Variants in TRAPPC9 observed in about 807,000 individuals in gnomAD.
TRAPPC9 encodes IKK2 binding protein.
In TRAPPC9, 83 loss-of-function variants were observed where a neutral mutation model predicts 124.0. The ratio of observed to expected loss-of-function variants is 0.67; its 90% CI spans 0.56 to 0.80. TRAPPC9 has a LOEUF of 0.80. Among genes scored for constraint, TRAPPC9 ranks in the 30% least tolerant of loss-of-function variants. The pLI is 0.00. For missense variants in TRAPPC9, 1,302 were observed against 1,508.3 expected, an observed-to-expected ratio of 0.86 and a Z score of 2.27; for synonymous variants, 638 against 617.5, an observed-to-expected ratio of 1.03 and a Z score of -0.49.
chr8:139,964,649 AT>A, intron 19 of TRAPPC9, among the ~76,000 whole-genome samples: 1 of 152,306 alleles, frequency 6.6e-6, no homozygotes, highest in Admixed American at 6.5e-5. Context: ...CAGAAAAATC[AT>A]TACAAATATG....
intron 19 of TRAPPC9, among the ~76,000 whole-genome samples, chr8:139,936,270 A>T (rs1187122954): frequency 6.6e-6 from 1 of 152,260 alleles, no homozygotes; most frequent in Non-Finnish European, 1.5e-5. Context: ...GGAAAATCCC[A>T]AACACCTCCT....
chr8:140,012,554 A>G (rs1043612448), intron 18 of TRAPPC9, among the ~76,000 whole-genome samples: 1 of 152,222 alleles, frequency 6.6e-6, no homozygotes, highest in Admixed American at 6.5e-5. Context: ...AGATTCTGTA[A>G]CTTGCCCAAC....
At chr8:140,360,222 A>C (rs369623206) in intron 8 of TRAPPC9, 29 bp from the exon 9 acceptor site, 5 of 1,613,962 alleles carry the variant, frequency 3.1e-6, no homozygotes, top group South Asian at 1.1e-5. Flanking sequence ...AACATCACAA[A>C]AGTGCTTGGA....
intron 21 of TRAPPC9, among the ~76,000 whole-genome samples, chr8:139,868,469 C>T (rs769343277): frequency 3.3e-5 from 5 of 152,182 alleles, no homozygotes; most frequent in East Asian, 1.9e-4. Context: ...CTTAAAGGAG[C>T]GTGCTGCAGT....
chr8:139,932,905 TAAA>T (rs3060603), intron 19 of TRAPPC9: 144 of 153,140 alleles, frequency 9.4e-4, no homozygotes, highest in Middle Eastern at 6.5e-3. Flanking sequence ...CATAAGCTGG[TAAA>T]AAAAAAAAAA....
At chr8:140,031,350 AAC>A (rs1840485313) in intron 17 of TRAPPC9, among the ~76,000 whole-genome samples, 1 of 152,202 alleles carries the variant, frequency 6.6e-6, no homozygotes, top group Non-Finnish European at 1.5e-5. Flanking sequence ...CTCTTATATG[AAC>A]AGTTATTCTT....
At chr8:140,016,935 C>T in intron 18 of TRAPPC9, among the ~76,000 whole-genome samples, 1 of 152,188 alleles carries the variant, frequency 6.6e-6, no homozygotes, top group Non-Finnish European at 1.5e-5. Flanking sequence ...CTGGCTGTTT[C>T]ACATTCTCCC....
intron 21 of TRAPPC9, among the ~76,000 whole-genome samples, chr8:139,846,396 G>C (rs1827087821): frequency 6.6e-6 from 1 of 152,234 alleles, no homozygotes. Flanking sequence ...CCCACGACCA[G>C]GCCCCACCAG....
intron 17 of TRAPPC9, among the ~76,000 whole-genome samples, chr8:140,158,178 C>T (rs1439780804): frequency 6.6e-6 from 1 of 152,064 alleles, no homozygotes. Context: ...AGTAACAGCC[C>T]CCCCTCAAAT....
intron 17 of TRAPPC9, among the ~76,000 whole-genome samples, chr8:140,068,171 T>G (rs1281995861): frequency 6.6e-6 from 1 of 152,150 alleles, no homozygotes; most frequent in Admixed American, 6.5e-5. Context: ...CCCAGTGCTA[T>G]GCGTGCCACC....
rs1234223891 is a variant in TRAPPC9 at position 140,397,709 on chromosome 8, T to C, written c.1045A>G (p.Ile349Val). The change falls in exon 7 of 23, where the codon ATC (isoleucine) becomes GTC (valine). Residue 349 changes from isoleucine (I) to valine (V), a missense_variant. By Grantham distance (29) the Ile-to-Val change is conservative. Coordinates refer to ENST00000438773, the MANE Select transcript of TRAPPC9 (RefSeq NM_001160372.4). ...ATTGCAAGGACACGTACAGCCTTGA[T>C]GCACGCTTCCAACTCAATCACTCCC... is the stretch of plus-strand genomic sequence containing the variant. ...NAGVIELEAC[I>V]KAVRVLAIQK... is the part of the protein sequence containing the mutation. 5 of 1,614,090 alleles carry C rather than the reference T, an allele frequency of 3.1e-6. No homozygotes were observed. The African/African-American group carries it at 4.0e-5, about 13-fold the overall frequency.
intron 19 of TRAPPC9, among the ~76,000 whole-genome samples, chr8:139,943,116 G>A (rs1432253381): frequency 1.3e-5 from 2 of 152,198 alleles, no homozygotes; most frequent in African/African-American, 2.4e-5. Context: ...ATCCAGACTG[G>A]AGTGCAGTGG....
intron 17 of TRAPPC9, among the ~76,000 whole-genome samples, chr8:140,108,512 G>A (rs557050134): frequency 2.6e-5 from 4 of 152,318 alleles, no homozygotes; most frequent in Non-Finnish European, 5.9e-5. Flanking sequence ...CAAAGCTCCC[G>A]CTCGCCCCCC....
At chr8:139,879,262 G>A (rs575739477) in intron 21 of TRAPPC9, among the ~76,000 whole-genome samples, 1 of 152,224 alleles carries the variant, frequency 6.6e-6, no homozygotes, top group Non-Finnish European at 1.5e-5. Flanking sequence ...CCCTGGCTGG[G>A]GGTGAGGAGT....
intron 17 of TRAPPC9, among the ~76,000 whole-genome samples, chr8:140,120,677 A>ACATCCATC (rs559075849): frequency 7.1e-6 from 1 of 140,746 alleles, no homozygotes; most frequent in African/African-American, 2.7e-5. Flanking sequence ...CATCCATCCA[A>ACATCCATC]CATCCATCCA....
intron 21 of TRAPPC9, among the ~76,000 whole-genome samples, chr8:139,830,387 A>C (rs1479368441): frequency 1.3e-5 from 2 of 152,212 alleles, no homozygotes; most frequent in Non-Finnish European, 2.9e-5. Context: ...ACACACATGC[A>C]TACACATGCA....
chr8:140,080,251 G>C (rs1284441675), intron 17 of TRAPPC9, among the ~76,000 whole-genome samples: 1 of 152,166 alleles, frequency 6.6e-6, no homozygotes, highest in Non-Finnish European at 1.5e-5. Flanking sequence ...TGGAAATTGA[G>C]AACCACATGA....
At chr8:139,873,368 A>G (rs943009965) in intron 21 of TRAPPC9, among the ~76,000 whole-genome samples, 2 of 152,176 alleles carry the variant, frequency 1.3e-5, no homozygotes, top group Non-Finnish European at 2.9e-5. Flanking sequence ...AACACTCACA[A>G]GTGCATCAGC....
chr8:140,041,605 C>G (rs151012838), intron 17 of TRAPPC9, among the ~76,000 whole-genome samples: 1 of 152,190 alleles, frequency 6.6e-6, no homozygotes, highest in African/African-American at 2.4e-5. Flanking sequence ...ATGGGGAGAA[C>G]GCTCGTGACT....
Sources: allele counts gnomAD v4.1 joint callset (sites outside exome capture counted in the v4.1 genomes callset), GRCh38; gene constraint gnomAD v4.1.1; transcripts MANE v1.5; gene names NCBI Gene and HGNC (gene_info 2026-07-23, HGNC 2026-07-21).